The following ADGRB3 variants were observed in gnomAD, a reference collection of about 807,000 sequenced individuals.
ADGRB3 encodes brain-specific angiogenesis inhibitor 3.
A neutral mutation model predicts 193.4 loss-of-function variants in ADGRB3; 37 were observed. The ratio of observed to expected loss-of-function variants is 0.19; its 90% CI spans 0.15 to 0.25. The LOEUF (loss-of-function observed/expected upper bound fraction) is 0.25, where lower values mean the gene tolerates loss of function less well. Among genes scored for constraint, ADGRB3 ranks in the 10% least tolerant of loss-of-function variants. The pLI, the probability that ADGRB3 is intolerant of heterozygous loss-of-function variation, is 1.00. For synonymous variants in ADGRB3, 690 were observed against 644.2 expected (o/e 1.07, Z -1.08); for missense variants, 1,637 against 1,852.9 (o/e 0.88, Z 2.14).
chr6:69,197,855 G>T (rs1266387421), intron 17 of ADGRB3, among the ~76,000 whole-genome samples: 1 of 152,028 alleles, frequency 6.6e-6, no homozygotes, highest in Non-Finnish European at 1.5e-5. Flanking sequence ...TTAATTTTAT[G>T]TGCATGGAGC....
chr6:68,945,736 A>G (rs1767759279), intron 6 of ADGRB3, among the ~76,000 whole-genome samples: 1 of 152,142 alleles, frequency 6.6e-6, no homozygotes, highest in East Asian at 1.9e-4. Flanking sequence ...CAAGTTTCTC[A>G]TAGTCTACTT....
chr6:68,745,205 C>A (rs1766060012), intron 3 of ADGRB3, among the ~76,000 whole-genome samples: 2 of 152,112 alleles, frequency 1.3e-5, no homozygotes, highest in Non-Finnish European at 2.9e-5. Context: ...TGCCCATTGA[C>A]CATTGACAGA....
At chr6:68,781,645 A>G (rs1408920628) in intron 3 of ADGRB3, among the ~76,000 whole-genome samples, 1 of 152,072 alleles carries the variant, frequency 6.6e-6, no homozygotes, top group African/African-American at 2.4e-5. Context: ...TAATATGATG[A>G]TTACAATTAG....
chr6:69,294,685 A>G (rs1183023658), intron 20 of ADGRB3, among the ~76,000 whole-genome samples: 1 of 152,138 alleles, frequency 6.6e-6, no homozygotes. Flanking sequence ...GGGGCTGGAA[A>G]TGTTCACATT....
intron 17 of ADGRB3, among the ~76,000 whole-genome samples, chr6:69,182,337 A>G (rs1309867964): frequency 1.3e-5 from 2 of 152,078 alleles, no homozygotes. Context: ...TCATGTAATC[A>G]AACACCACTT....
chr6:68,716,990 C>T (rs1477191458), intron 3 of ADGRB3, among the ~76,000 whole-genome samples: 1 of 151,574 alleles, frequency 6.6e-6, no homozygotes. Flanking sequence ...GTGATAAAGC[C>T]GGCTTTCTTC....
rs538970560 is a variant in ADGRB3 at position 69,388,915 on chromosome 6, G to C, written c.*24G>C. On this transcript the variant is annotated 3_prime_UTR_variant, in exon 32 of 32. Coordinates refer to ENST00000370598, the MANE Select transcript of ADGRB3 (RefSeq NM_001704.3). ...AAAAAAATCAAAATGGACTAAGGTAGAGACAAAACTTTATTGCACTGACAC... is the reference window on the plus strand; with the variant it reads ...AAAAAAATCAAAATGGACTAAGGTACAGACAAAACTTTATTGCACTGACAC... 2.5e-6 allele frequency: 4 copies of C among 1,598,702 alleles called. No homozygotes were observed. The highest frequency in any genetic ancestry group is 3.4e-6 in the Non-Finnish European group (4 of 1,172,740).
chr6:69,358,713 T>C (rs1323828102), intron 28 of ADGRB3, among the ~76,000 whole-genome samples: 1 of 151,910 alleles, frequency 6.6e-6, no homozygotes, highest in East Asian at 1.9e-4. Context: ...TATATTTTGT[T>C]TGAAGTTTGT....
At chr6:68,648,770 G>T (rs1182406364) in intron 3 of ADGRB3, among the ~76,000 whole-genome samples, 1 of 146,966 alleles carries the variant, frequency 6.8e-6, no homozygotes, top group African/African-American at 2.6e-5. Flanking sequence ...TTCTTTTTAA[G>T]GTGATTTTTA....
rs70987454 is a variant in ADGRB3, at chr6:69,172,643, C to CAAAAA, written c.2481-60622_2481-60618dup. 3.2e-3 allele frequency among the ~76,000 whole-genome samples: 86 copies of CAAAAA among 26,816 alleles called. 1 individual carries two copies. Among genetic ancestry groups the CAAAAA allele is most frequent in the African/African-American group, 7.1e-3 (44 of 6,240 alleles). The allele number at this position is 26,816 out of a possible 152,430, so 17.6% of individuals were successfully genotyped here. ...TGGGCGACAGAGCGAGACTCTGTCTCAAAAAAAAAAAAAAAAAAAAAAAAA... is the reference window on the plus strand; with the variant it reads ...TGGGCGACAGAGCGAGACTCTGTCTCAAAAAAAAAAAAAAAAAAAAAAAAAAAAAA... On this transcript the variant is annotated intron_variant, in intron 17 of 31. Coordinates refer to ENST00000370598, the MANE Select transcript of ADGRB3 (RefSeq NM_001704.3).
chr6:69,100,866 GAAGGAA>G (rs1773019791), intron 17 of ADGRB3, among the ~76,000 whole-genome samples: 1 of 41,024 alleles, frequency 2.4e-5, no homozygotes, highest in Non-Finnish European at 5.9e-5. Context: ...AGGAAGGAAG[GAAGGAA>G]GAAGGAAGGG....
At chr6:69,243,779 G>A (rs1014283523) in intron 20 of ADGRB3, among the ~76,000 whole-genome samples, 1 of 151,954 alleles carries the variant, frequency 6.6e-6, no homozygotes, top group African/African-American at 2.4e-5. Context: ...GGGCCTTCTA[G>A]ATATAAAGCC....
At position 69,127,650 on chromosome 6, in the gene ADGRB3, A is replaced by T. The variant is rs537213912; in HGVS notation, c.2480+51612A>T. ...TAGCTGGATCTTGGTGAGTATTCAA[A>T]TAAAAAATTATCTTTCCCTCCTTGC... On this transcript the variant is annotated intron_variant, in intron 17 of 31. Coordinates refer to ENST00000370598, the MANE Select transcript of ADGRB3 (RefSeq NM_001704.3). Among the ~76,000 whole-genome samples, 8 of 152,328 alleles carry T rather than the reference A, an allele frequency of 5.3e-5. No homozygotes were observed. The South Asian group carries it at 1.5e-3, about 28-fold the overall frequency.
At chr6:69,362,599 C>G (rs1339644184) in intron 29 of ADGRB3, among the ~76,000 whole-genome samples, 1 of 151,946 alleles carries the variant, frequency 6.6e-6, no homozygotes, top group East Asian at 1.9e-4. Flanking sequence ...TGAATAGAAT[C>G]TAAGATAAGT....
intron 3 of ADGRB3, among the ~76,000 whole-genome samples, chr6:68,841,329 C>T (rs1768154997): frequency 6.6e-6 from 1 of 152,036 alleles, no homozygotes; most frequent in South Asian, 2.1e-4. Context: ...GGATTATTCT[C>T]AAGGATAGAC....
At position 69,069,186 on chromosome 6, in the gene ADGRB3, C is replaced by T. The variant is rs149045661; in HGVS notation, c.2436+6150C>T. 2.4e-3 allele frequency among the ~76,000 whole-genome samples: 364 copies of T among 152,108 alleles called. 4 individuals carry two copies. The highest frequency in any genetic ancestry group is 6.4e-3 in the African/African-American group (265 of 41,480). ...ACAGTACTTATCATAACTTTGAGAA[C>T]ATATTGGAGAAGAACATCCAGGAGA... On this transcript the variant is annotated intron_variant, in intron 16 of 31. Coordinates refer to ENST00000370598, the MANE Select transcript of ADGRB3 (RefSeq NM_001704.3).
At chr6:68,636,958 CAAAAA>C (rs34410124) in intron 1 of ADGRB3, among the ~76,000 whole-genome samples, 1 of 119,658 alleles carries the variant, frequency 8.4e-6, no homozygotes, top group Non-Finnish European at 1.7e-5. Context: ...AGTGCAACAC[CAAAAA>C]AAAAAAAAAA....
intron 3 of ADGRB3, among the ~76,000 whole-genome samples, chr6:68,735,060 C>T (rs923481700): frequency 6.6e-6 from 1 of 151,936 alleles, no homozygotes; most frequent in African/African-American, 2.4e-5. Flanking sequence ...TAGCTTATGT[C>T]ACTGACCATA....
chr6:69,068,345 A>G (rs1771970217), intron 16 of ADGRB3, among the ~76,000 whole-genome samples: 1 of 152,194 alleles, frequency 6.6e-6, no homozygotes, highest in South Asian at 2.1e-4. Context: ...GTAAAAGAAA[A>G]AGACATAGGC....
Sources: allele counts gnomAD v4.1 joint callset (sites outside exome capture counted in the v4.1 genomes callset), GRCh38; gene constraint gnomAD v4.1.1; transcripts MANE v1.5; gene names NCBI Gene and HGNC (gene_info 2026-07-23, HGNC 2026-07-21).